The following PBX1 variants were observed in gnomAD, a reference collection of about 807,000 sequenced individuals.
PBX1 encodes the protein pre-B-cell leukemia transcription factor 1.
In PBX1, 6 loss-of-function variants were observed where a neutral mutation model predicts 53.4. That is an observed-to-expected ratio of 0.11 (90% CI 0.06 to 0.22). The LOEUF is 0.22. PBX1 is among the 10% of genes least tolerant of loss of function. PBX1 has a pLI of 1.00. For synonymous variants in PBX1, 204 were observed against 212.3 expected, an observed-to-expected ratio of 0.96 and a Z score of 0.34; for missense variants, 251 against 551.4, an observed-to-expected ratio of 0.46 and a Z score of 5.46.
intron 2 of PBX1, among the ~76,000 whole-genome samples, chr1:164,867,189 T>G (rs1672238353): frequency 6.6e-6 from 1 of 152,180 alleles, no homozygotes; most frequent in Non-Finnish European, 1.5e-5. Flanking sequence ...CAAACCTCTC[T>G]GAGACTTCTG....
Position 164,849,117 on chromosome 1 carries a change from G to T in PBX1, c.*2441G>T. ...GAACATGGTTGAATCACATTTGCTT[G>T]ACTTAGGGCAAAGTACGAAAGAGAG... On this transcript the variant is annotated 3_prime_UTR_variant, in exon 9 of 9. Transcript: ENST00000420696. 7.3e-7 allele frequency: 1 copy of T among 1,363,530 alleles called. No individual in the cohort carries two copies. Among genetic ancestry groups the T allele is most frequent in the Non-Finnish European group, 9.5e-7 (1 of 1,057,082 alleles). The allele number at this position is 1,363,530 out of a possible 1,614,324, so 84.5% of individuals were successfully genotyped here. A position where few individuals can be genotyped will look rare whatever the true frequency, so the allele number is the denominator to read the frequency against.
intron 2 of PBX1, among the ~76,000 whole-genome samples, chr1:164,733,939 A>T (rs781276620): frequency 7.2e-5 from 11 of 152,168 alleles, no homozygotes; most frequent in Non-Finnish European, 1.5e-4. Flanking sequence ...GAAATGTTCT[A>T]CTAATTTTTT....
chr1:164,621,440 G>T (rs903043098), intron 2 of PBX1, among the ~76,000 whole-genome samples: 3 of 152,124 alleles, frequency 2.0e-5, no homozygotes, highest in African/African-American at 7.2e-5. Flanking sequence ...AGAAAGCATC[G>T]CAAAGGACTG....
At chr1:164,569,138 G>C (rs1653652141) in intron 2 of PBX1, among the ~76,000 whole-genome samples, 1 of 152,182 alleles carries the variant, frequency 6.6e-6, no homozygotes, top group Non-Finnish European at 1.5e-5. Flanking sequence ...TAAGACCATA[G>C]AAAAGTTGCT....
Position 164,821,627 on chromosome 1 carries a change from G to T in PBX1, c.1200+1G>T, listed in dbSNP as rs1374841596. The T allele has an allele frequency of 6.2e-7, 1 of 1,611,998 alleles. No individual in the cohort carries two copies. The highest frequency in any genetic ancestry group is 8.5e-7 in the Non-Finnish European group (1 of 1,178,120). On this transcript the variant is annotated splice_donor_variant, in intron 8 of 8. Transcript: ENST00000420696. LOFTEE classifies it high-confidence loss of function. ...GATGTACAGTCCGCAGGGCATCAGT[G>T]TAAGAAAACAAGCCCCCCCACCCCC... is the stretch of plus-strand genomic sequence containing the variant.
chr1:164,746,794 A>G (rs1280850892), intron 2 of PBX1, among the ~76,000 whole-genome samples: 2 of 151,938 alleles, frequency 1.3e-5, no homozygotes, highest in Non-Finnish European at 1.5e-5. Context: ...ATTATCTCCT[A>G]TGTTTTACAG....
At chr1:164,620,214 C>T (rs2792256) in intron 2 of PBX1, among the ~76,000 whole-genome samples, 114,309 of 151,854 alleles carry the variant, frequency 0.75, 43,083 homozygotes, top group East Asian at 0.93. Context: ...TATAGAAAAA[C>T]ATGAACTTCT....
Position 164,846,866 on chromosome 1 carries a change from T to A in PBX1, c.*190T>A. 7.1e-7 allele frequency: 1 copy of A among 1,404,864 alleles called. No homozygotes were observed. Among genetic ancestry groups the A allele is most frequent in the Non-Finnish European group, 9.3e-7 (1 of 1,080,272 alleles). The allele number at this position is 1,404,864 out of a possible 1,614,324, so 87.0% of individuals were successfully genotyped here. A position where few individuals can be genotyped will look rare whatever the true frequency, so the allele number is the denominator to read the frequency against. On this transcript the variant is annotated 3_prime_UTR_variant, in exon 9 of 9. Coordinates refer to ENST00000420696, the MANE Select transcript of PBX1 (RefSeq NM_002585.4). ...AATCTGGACACTTCTTTATACTCTCTTCCCTTTTTTTTCTGGGTAGAAGCC... is the reference window on the plus strand; with the variant it reads ...AATCTGGACACTTCTTTATACTCTCATCCCTTTTTTTTCTGGGTAGAAGCC...
chr1:164,785,999 A>G (rs1171461709), intron 2 of PBX1, among the ~76,000 whole-genome samples: 1 of 152,220 alleles, frequency 6.6e-6, no homozygotes, highest in Non-Finnish European at 1.5e-5. Context: ...CAGATTTGAC[A>G]GTTTTTTGAA....
chr1:164,565,999 C>G (rs1014641677), intron 2 of PBX1, among the ~76,000 whole-genome samples: 2 of 152,080 alleles, frequency 1.3e-5, no homozygotes, highest in Non-Finnish European at 2.9e-5. Flanking sequence ...ATACATTTGG[C>G]TCACCTAGGC....
At chr1:164,775,688 G>A (rs1667607760) in intron 2 of PBX1, among the ~76,000 whole-genome samples, 1 of 152,166 alleles carries the variant, frequency 6.6e-6, no homozygotes, top group Admixed American at 6.5e-5. Context: ...CATCCCTTTT[G>A]CGGGGTATTT....
intron 2 of PBX1, among the ~76,000 whole-genome samples, chr1:164,773,595 C>T (rs758331035): frequency 3.3e-5 from 5 of 152,088 alleles, no homozygotes; most frequent in African/African-American, 4.8e-5. Context: ...GGACATGTGT[C>T]TTAAGGGATA....
intron 7 of PBX1, among the ~76,000 whole-genome samples, chr1:164,821,039 A>G (rs1424002262): frequency 1.3e-5 from 2 of 152,198 alleles, no homozygotes; most frequent in Admixed American, 6.5e-5. Flanking sequence ...TCAAGTGACT[A>G]AACAACTGGC....
intron 2 of PBX1, among the ~76,000 whole-genome samples, chr1:164,759,654 T>C (rs550133705): frequency 6.6e-6 from 1 of 152,276 alleles, no homozygotes; most frequent in East Asian, 1.9e-4. Context: ...TTGACAATAT[T>C]GTGTTAAACC....
chr1:164,592,932 G>A (rs1186875089), intron 2 of PBX1, among the ~76,000 whole-genome samples: 1 of 151,684 alleles, frequency 6.6e-6, no homozygotes, highest in Non-Finnish European at 1.5e-5. Context: ...CCCAGCATTT[G>A]TATGTAGCAC....
intron 2 of PBX1, among the ~76,000 whole-genome samples, chr1:164,711,374 C>A (rs1663764790): frequency 6.6e-6 from 1 of 152,178 alleles, no homozygotes; most frequent in Admixed American, 6.5e-5. Flanking sequence ...CGCCATTCTC[C>A]TGCCTCAGCC....
intron 4 of PBX1, among the ~76,000 whole-genome samples, chr1:164,804,768 T>C (rs1193443140): frequency 1.3e-5 from 2 of 152,234 alleles, no homozygotes; most frequent in African/African-American, 4.8e-5. Context: ...GTTGAGAAAC[T>C]CCTAGTTTCT....
chr1:164,687,703 A>G (rs1662200878), intron 2 of PBX1, among the ~76,000 whole-genome samples: 1 of 152,122 alleles, frequency 6.6e-6, no homozygotes, highest in South Asian at 2.1e-4. Context: ...AAACATACGC[A>G]AGGTTTTAAG....
At chr1:164,723,551 C>T (rs1008380503) in intron 2 of PBX1, among the ~76,000 whole-genome samples, 1 of 152,180 alleles carries the variant, frequency 6.6e-6, no homozygotes, top group African/African-American at 2.4e-5. Flanking sequence ...ATCTGACCAT[C>T]TGAGGTTGTG....
Sources: allele counts gnomAD v4.1 joint callset (sites outside exome capture counted in the v4.1 genomes callset), GRCh38; gene constraint gnomAD v4.1.1; transcripts MANE v1.5; gene names NCBI Gene and HGNC (gene_info 2026-07-23, HGNC 2026-07-21).